LRRC34: variants seen among roughly 807,000 people sequenced by gnomAD.
LRRC34 encodes the protein leucine rich repeat containing 34.
Under a neutral mutation model 48.5 loss-of-function variants are expected in LRRC34, and 44 were observed. The ratio of observed to expected loss-of-function variants is 0.91; its 90% CI spans 0.71 to 1.17. The LOEUF is 1.17. Among genes scored for constraint, LRRC34 ranks in the 50% most tolerant of loss-of-function variants. The pLI is 0.00. For missense variants in LRRC34, 502 were observed against 563.0 expected, an observed-to-expected ratio of 0.89 and a Z score of 1.10; for synonymous variants, 192 against 197.6, an observed-to-expected ratio of 0.97 and a Z score of 0.24.
At chr3:169,810,873 T>C in intron 1 of LRRC34, among the ~76,000 whole-genome samples, 1 of 152,354 alleles carries the variant, frequency 6.6e-6, no homozygotes, top group East Asian at 1.9e-4. Flanking sequence ...GAGACCAGCC[T>C]GGCCAATATG....
intron 1 of LRRC34, among the ~76,000 whole-genome samples, chr3:169,810,287 T>G (rs2108250925): frequency 6.6e-6 from 1 of 152,262 alleles, no homozygotes; most frequent in East Asian, 1.9e-4. Flanking sequence ...GCAATCCCAC[T>G]GCCAAAGAAC....
chr3:169,806,959 T>C (rs1206541061), intron 4 of LRRC34, 28 bp from the exon 5 acceptor site: 1 of 1,382,334 alleles, frequency 7.2e-7, no homozygotes, highest in Admixed American at 1.8e-5. Context: ...CTATTACACA[T>C]TATTATTATT....
intron 9 of LRRC34, 43 bp from the exon 10 acceptor site, chr3:169,795,654 A>G (rs760734550): frequency 1.3e-6 from 2 of 1,589,236 alleles, no homozygotes; most frequent in African/African-American, 2.7e-5. Context: ...AAAAATTAGC[A>G]ACATTTATTA....
At position 169,809,616 on chromosome 3, in the gene LRRC34, T is replaced by G. The variant is rs539168757; in HGVS notation, c.140-871A>C. Among the ~76,000 whole-genome samples, 133 of 152,356 alleles carry G rather than the reference T, an allele frequency of 8.7e-4. 2 individuals are homozygous for G. In the South Asian group the frequency reaches 0.027, roughly 31 times the overall value. On this transcript the variant is annotated intron_variant, in intron 1 of 10. Transcript: ENST00000446859. ...CCTACATCTTCTGGGGTGGAAGTTATGCTGTTACTTTTCTTAGAAGTACAG... is the reference window on the plus strand; with the variant it reads ...CCTACATCTTCTGGGGTGGAAGTTAGGCTGTTACTTTTCTTAGAAGTACAG...
chr3:169,812,378 C>T lies in LRRC34; in HGVS notation c.139+32G>A. 1 of 1,518,502 alleles carries T rather than the reference C, an allele frequency of 6.6e-7. No individual in the cohort carries two copies. Among genetic ancestry groups the T allele is most frequent in the Non-Finnish European group, 8.8e-7 (1 of 1,140,020 alleles). The allele number at this position is 1,518,502 out of a possible 1,614,324, so 94.1% of individuals were successfully genotyped here. A position where few individuals can be genotyped will look rare whatever the true frequency, so the allele number is the denominator to read the frequency against. ...CGCCCCTCGCGCGTTTTGTCTGGGC[C>T]AGGCCGCGCAGACGTGCTCCCTACT... On this transcript the variant is annotated intron_variant, in intron 1 of 10. Coordinates refer to ENST00000446859, the MANE Select transcript of LRRC34 (RefSeq NM_001172779.2). This position sits in a 1 kb window ranked among gnomAD's most constrained non-coding sequence, Gnocchi z 4.3.
At chr3:169,800,347 C>G (rs1440152492) in intron 7 of LRRC34, among the ~76,000 whole-genome samples, 3 of 152,184 alleles carry the variant, frequency 2.0e-5, no homozygotes, top group Non-Finnish European at 4.4e-5. Flanking sequence ...CCTTTAAAAC[C>G]TTCACTATTT....
At chr3:169,796,715 T>C (rs1329995136) in intron 8 of LRRC34, 30 bp downstream of exon 8, 3 of 1,585,068 alleles carry the variant, frequency 1.9e-6, no homozygotes, top group Non-Finnish European at 2.6e-6. Flanking sequence ...TATTTAACTT[T>C]GAATTATTAA....
chr3:169,794,963 T>C (rs919948926), intron 10 of LRRC34: 1 of 152,210 alleles, frequency 6.6e-6, no homozygotes, highest in Non-Finnish European at 1.5e-5. Flanking sequence ...TAGACAACAC[T>C]CTATGTTTTA....
intron 6 of LRRC34, 25 bp downstream of exon 6, chr3:169,804,028 A>AT (rs778971414): frequency 1.3e-6 from 2 of 1,536,102 alleles, no homozygotes; most frequent in Non-Finnish European, 1.8e-6. Flanking sequence ...TATCTGGATG[A>AT]TTTTCTCATA....
At position 169,812,174 on chromosome 3, in the gene LRRC34, C is replaced by T. The variant is rs1357767645; in HGVS notation, c.139+236G>A. On this transcript the variant is annotated intron_variant, in intron 1 of 10. Coordinates refer to ENST00000446859, the MANE Select transcript of LRRC34 (RefSeq NM_001172779.2). The surrounding 1 kb of genome is among the most constrained non-coding windows in gnomAD (Gnocchi z 4.3). Reference sequence around the variant, plus strand: ...CGCAAAGGGCGGACCCACGGGAACTCCTCTCCGTGGACTCCTCTCCTGCCC... The same window carrying T: ...CGCAAAGGGCGGACCCACGGGAACTTCTCTCCGTGGACTCCTCTCCTGCCC... 6.6e-6 allele frequency among the ~76,000 whole-genome samples: 1 copy of T among 151,734 alleles called. No homozygotes were observed. Among genetic ancestry groups the T allele is most frequent in the Non-Finnish European group, 1.5e-5 (1 of 67,912 alleles).
chr3:169,807,022 A>G (rs1289518146), intron 4 of LRRC34, 91 bp from the exon 5 acceptor site: 2 of 605,252 alleles, frequency 3.3e-6, no homozygotes, highest in South Asian at 3.1e-5. Flanking sequence ...TACAGTATAT[A>G]CTTTATTTGA....
intron 7 of LRRC34, among the ~76,000 whole-genome samples, chr3:169,798,446 A>C (rs1189391564): frequency 6.6e-6 from 1 of 152,236 alleles, no homozygotes; most frequent in African/African-American, 2.4e-5. Context: ...GTAATAAAAC[A>C]GTAAAACCCG....
At position 169,812,698 on chromosome 3, in the gene LRRC34, CT is replaced by C; in HGVS notation, c.-151del. 1 of 1,155,948 alleles carries C rather than the reference CT, an allele frequency of 8.7e-7. No individual in the cohort carries two copies. The highest frequency in any genetic ancestry group is 1.9e-5 in the South Asian group (1 of 53,614). The allele number at this position is 1,155,948 out of a possible 1,614,324, so 71.6% of individuals were successfully genotyped here. ...AGTGACCGCCTACTCTGTGGAGGTCCTTTGTCACCCTGCCCTGGTTAAAGGC... is the reference window on the plus strand; with the variant it reads ...AGTGACCGCCTACTCTGTGGAGGTCCTTGTCACCCTGCCCTGGTTAAAGGC... On this transcript the variant is annotated 5_prime_UTR_variant, in exon 1 of 11. Transcript: ENST00000446859. The surrounding 1 kb of genome is among the most constrained non-coding windows in gnomAD (Gnocchi z 4.3).
intron 7 of LRRC34, among the ~76,000 whole-genome samples, chr3:169,799,693 CATTGATTGATTG>C (rs200802732): frequency 1.4e-4 from 21 of 151,958 alleles, no homozygotes; most frequent in Admixed American, 8.5e-4. Flanking sequence ...CAAACACTGA[CATTGATTGATTG>C]ATTGATTGAT....
chr3:169,807,568 T>C lies in LRRC34; in HGVS notation c.379+20A>G, dbSNP rs1268446870. 5 of 1,612,442 alleles carry C rather than the reference T, an allele frequency of 3.1e-6. No homozygotes were observed. The highest frequency in any genetic ancestry group is 4.2e-6 in the Non-Finnish European group (5 of 1,178,844). ...CAGATCAATGAAAAGCAGGAGGTATTGATTCTTATGGAAACATACCATTAA... is the reference window on the plus strand; with the variant it reads ...CAGATCAATGAAAAGCAGGAGGTATCGATTCTTATGGAAACATACCATTAA... On this transcript the variant is annotated intron_variant, in intron 3 of 10. Transcript: ENST00000446859.
intron 10 of LRRC34, 100 bp from the exon 11 acceptor site, chr3:169,793,938 T>G: frequency 1.4e-6 from 1 of 720,116 alleles, no homozygotes; most frequent in Non-Finnish European, 2.2e-6. Context: ...TGCTAATTTG[T>G]AGTTTAAAAT....
chr3:169,793,867 A>G, intron 10 of LRRC34, 29 bp from the exon 11 acceptor site: 1 of 1,498,402 alleles, frequency 6.7e-7, no homozygotes, highest in Non-Finnish European at 9.1e-7. Flanking sequence ...AAACTATATC[A>G]TTAAGAAAAA....
Position 169,807,580 on chromosome 3 carries a change from A to G in LRRC34, c.379+8T>C. 1 of 1,612,760 alleles carries G rather than the reference A, an allele frequency of 6.2e-7. No individual in the cohort carries two copies. The highest frequency in any genetic ancestry group is 1.1e-5 in the South Asian group (1 of 90,810). ...AAGCAGGAGGTATTGATTCTTATGGAAACATACCATTAATATACAGACAAT... is the reference window on the plus strand; with the variant it reads ...AAGCAGGAGGTATTGATTCTTATGGGAACATACCATTAATATACAGACAAT... On this transcript the variant is annotated splice_region_variant and intron_variant, in intron 3 of 10. Coordinates refer to ENST00000446859, the MANE Select transcript of LRRC34 (RefSeq NM_001172779.2).
Position 169,796,729 on chromosome 3 carries a change from G to A in LRRC34, c.908+16C>T, listed in dbSNP as rs1560596153. 6 of 1,597,712 alleles carry A rather than the reference G, an allele frequency of 3.8e-6. No homozygotes were observed. The highest frequency in any genetic ancestry group is 5.1e-6 in the Non-Finnish European group (6 of 1,174,268). On this transcript the variant is annotated intron_variant, in intron 8 of 10. Coordinates refer to ENST00000446859, the MANE Select transcript of LRRC34 (RefSeq NM_001172779.2). Reference sequence around the variant, plus strand: ...TTATTTAACTTTGAATTATTAATGTGTAAATTATCACTTACCAGCTGACAT... The same window carrying A: ...TTATTTAACTTTGAATTATTAATGTATAAATTATCACTTACCAGCTGACAT...
Sources: gnomAD v4.1 joint callset for allele counts (sites outside exome capture counted in the v4.1 genomes callset) on GRCh38, gnomAD v4.1.1 for gene constraint, Gnocchi (gnomAD v3.1) non-coding constraint, MANE v1.5 for transcripts, NCBI Gene and HGNC (gene_info 2026-07-23, HGNC 2026-07-21) for gene names.